Variants in CACNA1C observed in about 807,000 individuals in gnomAD.
CACNA1C encodes voltage-dependent L-type calcium channel subunit alpha-1C.
CACNA1C carries 30 observed loss-of-function variants against 229.0 expected under a neutral mutation model. That is an observed-to-expected ratio of 0.13 (90% CI 0.10 to 0.18). The LOEUF is 0.18. Ranked by LOEUF, CACNA1C falls within the 10% of genes least tolerant of loss-of-function variation. The pLI is 1.00. For missense variants in CACNA1C, 1,658 were observed against 2,845.0 expected (o/e 0.58, Z 9.49); for synonymous variants, 1,114 against 1,132.5 (o/e 0.98, Z 0.33).
chr12:2,687,382 C>G (rs1375167620), intron 45 of CACNA1C, among the ~76,000 whole-genome samples: 1 of 152,220 alleles, frequency 6.6e-6, no homozygotes, highest in African/African-American at 2.4e-5. Flanking sequence ...TCTTTCCCCA[C>G]CACAGTGTCG....
intron 3 of CACNA1C, among the ~76,000 whole-genome samples, chr12:2,153,302 C>CT (rs1013606683): frequency 3.2e-4 from 48 of 148,716 alleles, no homozygotes; most frequent in Admixed American, 8.7e-4. Context: ...ATGGAGGCTA[C>CT]TTTTTTTTTT....
intron 3 of CACNA1C, among the ~76,000 whole-genome samples, chr12:2,272,136 CT>C (rs1436111233): frequency 6.6e-6 from 1 of 152,164 alleles, no homozygotes; most frequent in Non-Finnish European, 1.5e-5. Context: ...AGTTGCTTGT[CT>C]GGAGATGCAG....
chr12:2,472,901 T>C (rs891128257), intron 5 of CACNA1C, among the ~76,000 whole-genome samples: 2 of 152,202 alleles, frequency 1.3e-5, no homozygotes, highest in African/African-American at 4.8e-5. Flanking sequence ...TGCTGAGACA[T>C]TGAAAGCCCA....
At chr12:2,413,907 C>T (rs2098836172) in intron 3 of CACNA1C, among the ~76,000 whole-genome samples, 1 of 152,208 alleles carries the variant, frequency 6.6e-6, no homozygotes. Context: ...CAGGAGTTTT[C>T]CTCTCCTGCT....
At position 2,682,979 on chromosome 12, in the gene CACNA1C, A is replaced by G. The variant is rs139145321; in HGVS notation, c.5573+301A>G. ...AATTTCTGAACATTGTTTTATAAAC[A>G]TTGTAGGCTGTAAGACACAGTCATA... On this transcript the variant is annotated intron_variant, in intron 43 of 46. Transcript: ENST00000399655. Among the ~76,000 whole-genome samples, 6 of 28,546 alleles carry G rather than the reference A, an allele frequency of 2.1e-4. No individual in the cohort carries two copies. The East Asian group carries it at 5.8e-3, about 28-fold the overall frequency. The allele number at this position is 28,546 out of a possible 152,430, so 18.7% of individuals were successfully genotyped here.
intron 3 of CACNA1C, among the ~76,000 whole-genome samples, chr12:2,191,390 T>C (rs1397524413): frequency 6.6e-6 from 1 of 152,168 alleles, no homozygotes; most frequent in Non-Finnish European, 1.5e-5. Context: ...CGGCATCACC[T>C]GGGGACTGGC....
chr12:2,304,040 G>A (rs2154476951), intron 3 of CACNA1C, among the ~76,000 whole-genome samples: 1 of 152,252 alleles, frequency 6.6e-6, no homozygotes, highest in Admixed American at 6.5e-5. Flanking sequence ...GGTGAGATGT[G>A]GGCTTTTCTT....
At chr12:2,612,259 C>G in intron 29 of CACNA1C, 1 of 467,884 alleles carries the variant, frequency 2.1e-6, no homozygotes. Flanking sequence ...GCAGATTCCT[C>G]GCTGAGCTGA....
At chr12:2,433,413 C>T (rs1402200861) in intron 3 of CACNA1C, among the ~76,000 whole-genome samples, 1 of 151,862 alleles carries the variant, frequency 6.6e-6, no homozygotes, top group Non-Finnish European at 1.5e-5. Flanking sequence ...CCTGCAGTGC[C>T]CTGGACCCAT....
In CACNA1C at chr12:2,179,922, G is replaced by A. The variant is rs529306700; in HGVS notation, c.477+59492G>A. ...ACCATGCTCTTTCTCTGCTTCAAATGAAATTTTGATCATTTCTCTTCATCT... is the reference window on the plus strand; with the variant it reads ...ACCATGCTCTTTCTCTGCTTCAAATAAAATTTTGATCATTTCTCTTCATCT... On this transcript the variant is annotated intron_variant, in intron 3 of 46. Coordinates refer to ENST00000399655, the MANE Select transcript of CACNA1C (RefSeq NM_000719.7). 2.6e-5 allele frequency among the ~76,000 whole-genome samples: 4 copies of A among 152,274 alleles called. 1 individual carries two copies. In the South Asian group the frequency reaches 8.3e-4, roughly 32 times the overall value.
chr12:1,972,697 T>G (rs1272570357), intron 1 of CACNA1C, among the ~76,000 whole-genome samples: 1 of 152,128 alleles, frequency 6.6e-6, no homozygotes, highest in African/African-American at 2.4e-5. Context: ...TTCAAATTTG[T>G]TTTTACATAT....
chr12:2,076,081 C>T (rs540281650), intron 1 of CACNA1C, among the ~76,000 whole-genome samples: 1 of 152,116 alleles, frequency 6.6e-6, no homozygotes, highest in Admixed American at 6.5e-5. Flanking sequence ...CTTTCATTAT[C>T]GGTTTGGAAT....
chr12:2,294,574 G>T (rs7135467), intron 3 of CACNA1C, among the ~76,000 whole-genome samples: 1 of 151,940 alleles, frequency 6.6e-6, no homozygotes, highest in Admixed American at 6.6e-5. Context: ...CCTCTTGTGC[G>T]TGCTGTCGGG....
At chr12:2,564,427 C>T (rs2049177787) in intron 11 of CACNA1C, among the ~76,000 whole-genome samples, 1 of 152,176 alleles carries the variant, frequency 6.6e-6, no homozygotes, top group African/African-American at 2.4e-5. Flanking sequence ...TGGAAAAATA[C>T]AGATATTCAT....
intron 3 of CACNA1C, among the ~76,000 whole-genome samples, chr12:2,150,008 G>C (rs1321747439): frequency 1.3e-5 from 2 of 152,204 alleles, no homozygotes; most frequent in Non-Finnish European, 2.9e-5. Flanking sequence ...CAGGCCCAGA[G>C]GCACTAAAAG....
rs1356377985 is a variant in CACNA1C at position 2,607,058 on chromosome 12, A to G, written c.3284A>G (p.Lys1095Arg). 2.5e-6 allele frequency: 4 copies of G among 1,613,822 alleles called. No homozygotes were observed. Among genetic ancestry groups the G allele is most frequent in the African/African-American group, 1.3e-5 (1 of 74,908 alleles). Residue 1095 changes from lysine (K) to arginine (R), a missense_variant, in exon 26 of 47, where the codon AAG (lysine) becomes AGG (arginine). Lys to Arg is a conservative substitution (Grantham distance 26, BLOSUM62 2). Transcript: ENST00000399655. The stretch of plus-strand genomic sequence containing the variant: ...CAACCCCGCAGCTGGGAGAACAGCA[A>G]GTTTGACTTTGACAATGTTCTGGCA... The part of the protein sequence containing the change: ...IIQPRSWENS[K>R]FDFDNVLAAM...
At chr12:2,427,798 T>G (rs937414081) in intron 3 of CACNA1C, among the ~76,000 whole-genome samples, 6 of 152,116 alleles carry the variant, frequency 3.9e-5, no homozygotes, top group African/African-American at 1.4e-4. Context: ...TTTTGTATTT[T>G]TAGTAGAGAC....
rs1175076298 is a variant in CACNA1C at position 2,633,937 on chromosome 12, G to A, written c.3829-360G>A. Reference sequence around the variant, plus strand: ...TTTTCCATTTACCTCAGCTCTGCCCGGCGCTGCCGGGCTGGGGCGTGGAGC... The same window carrying A: ...TTTTCCATTTACCTCAGCTCTGCCCAGCGCTGCCGGGCTGGGGCGTGGAGC... On this transcript the variant is annotated intron_variant, in intron 29 of 46. Coordinates refer to ENST00000399655, the MANE Select transcript of CACNA1C (RefSeq NM_000719.7). This position sits in a 1 kb window ranked among gnomAD's most constrained non-coding sequence, Gnocchi z 5.8. Among the ~76,000 whole-genome samples, 2 of 152,134 alleles carry A rather than the reference G, an allele frequency of 1.3e-5. No homozygotes were observed. The highest frequency in any genetic ancestry group is 4.8e-5 in the African/African-American group (2 of 41,430).
intron 3 of CACNA1C, among the ~76,000 whole-genome samples, chr12:2,409,058 C>G (rs1365953090): frequency 1.3e-5 from 2 of 152,196 alleles, no homozygotes; most frequent in Middle Eastern, 3.2e-3. Flanking sequence ...TCCTTGTCTT[C>G]TTGTCCTGTT....
Sources: allele counts gnomAD v4.1 joint callset (sites outside exome capture counted in the v4.1 genomes callset), GRCh38; gene constraint gnomAD v4.1.1; non-coding constraint Gnocchi (gnomAD v3.1); transcripts MANE v1.5; gene names NCBI Gene and HGNC (gene_info 2026-07-23, HGNC 2026-07-21).